Variants in MTRF1 observed in about 807,000 individuals in gnomAD.
The protein encoded by MTRF1 is peptide chain release factor 1, mitochondrial.
In MTRF1, 51 loss-of-function variants were observed where a neutral mutation model predicts 62.9. The ratio of observed to expected loss-of-function variants is 0.81; its 90% CI spans 0.65 to 1.02. The LOEUF is 1.02. Among genes scored for constraint, MTRF1 ranks in the 50% least tolerant of loss-of-function variants. The probability of loss-of-function intolerance (pLI) is 0.00; values close to 1 mark genes in which losing one functional copy is unlikely to be tolerated. For synonymous variants in MTRF1, 158 were observed against 181.9 expected (o/e 0.87, Z 1.06); for missense variants, 446 against 530.0 (o/e 0.84, Z 1.56).
intron 1 of MTRF1, chr13:41,261,751 C>G: frequency 1.0e-6 from 1 of 979,586 alleles, no homozygotes; most frequent in Non-Finnish European, 1.2e-6. Flanking sequence ...TGTAAGTTGC[C>G]TGTTCAGGAC....
chr13:41,281,178 T>C, the MTRF1 span, among the ~76,000 whole-genome samples: 7 of 152,102 alleles, frequency 4.6e-5, no homozygotes, highest in Admixed American at 2.0e-4. Context: ...GCATTTATCT[T>C]TCTCTGTTTT....
chr13:41,275,502 T>G, the MTRF1 span, among the ~76,000 whole-genome samples: 1 of 148,954 alleles, frequency 6.7e-6, no homozygotes. Flanking sequence ...GCCCGGCTTT[T>G]TTTTTTTGAG....
chr13:41,285,166 AT>A, the MTRF1 span, among the ~76,000 whole-genome samples: 1 of 152,286 alleles, frequency 6.6e-6, no homozygotes, highest in African/African-American at 2.4e-5. Context: ...TTTAGCTTAT[AT>A]GTTGCAATCT....
intron 8 of MTRF1, among the ~76,000 whole-genome samples, chr13:41,226,038 T>C: frequency 6.6e-6 from 1 of 152,164 alleles, no homozygotes; most frequent in East Asian, 1.9e-4. Context: ...TCCCAGTTTT[T>C]TGCAGTGCCA....
chr13:41,292,852 G>A, the MTRF1 span, among the ~76,000 whole-genome samples: 8,021 of 152,082 alleles, frequency 0.053, 281 homozygotes, highest in Non-Finnish European at 0.074. Flanking sequence ...GGGAGGACTG[G>A]TTGAGCCAAG....
chr13:41,237,086 G>A (rs2036728115), intron 6 of MTRF1, among the ~76,000 whole-genome samples: 1 of 151,848 alleles, frequency 6.6e-6, no homozygotes, highest in African/African-American at 2.4e-5. Flanking sequence ...AGGCATTGTG[G>A]CACACACCTG....
chr13:41,225,992 C>T (rs538229454), intron 8 of MTRF1, among the ~76,000 whole-genome samples: 2 of 151,824 alleles, frequency 1.3e-5, no homozygotes, highest in Non-Finnish European at 2.9e-5. Context: ...TCCTTTCTAC[C>T]CCTTGTCCCT....
the MTRF1 span, among the ~76,000 whole-genome samples, chr13:41,269,201 T>TGG: frequency 9.3e-5 from 9 of 96,514 alleles, no homozygotes; most frequent in African/African-American, 1.1e-4. Flanking sequence ...TTTTTTTGGT[T>TGG]TTTTTTTTTT....
chr13:41,290,806 G>A, the MTRF1 span, among the ~76,000 whole-genome samples: 1 of 151,478 alleles, frequency 6.6e-6, no homozygotes, highest in Non-Finnish European at 1.5e-5. Context: ...AAGAAATTTT[G>A]TAGAGGCTGG....
the MTRF1 span, among the ~76,000 whole-genome samples, chr13:41,296,363 T>C: frequency 1.5e-4 from 23 of 152,352 alleles, no homozygotes; most frequent in East Asian, 3.5e-3. Context: ...CCTGAGCCAC[T>C]GTACCCAGCC....
the MTRF1 span, among the ~76,000 whole-genome samples, chr13:41,303,738 C>T: frequency 2.6e-5 from 4 of 152,186 alleles, no homozygotes; most frequent in African/African-American, 7.2e-5. Flanking sequence ...AGATTAATAA[C>T]GTTTACTAAC....
At chr13:41,223,071 T>C (rs977655727) in intron 9 of MTRF1, among the ~76,000 whole-genome samples, 185 bp downstream of exon 9, 3 of 152,212 alleles carry the variant, frequency 2.0e-5, no homozygotes, top group Non-Finnish European at 4.4e-5. Flanking sequence ...CAAAATGGCA[T>C]AAAGATCATT....
chr13:41,237,645 C>G (rs143309721), intron 6 of MTRF1, among the ~76,000 whole-genome samples: 1 of 152,050 alleles, frequency 6.6e-6, no homozygotes, highest in East Asian at 1.9e-4. Flanking sequence ...TACAGGCACG[C>G]GCCACCACAC....
At chr13:41,262,193 A>T (rs112602991) in intron 1 of MTRF1, 7,534 of 152,110 alleles carry the variant, frequency 0.05, 241 homozygotes, top group Non-Finnish European at 0.076. Context: ...CAAAAAAATT[A>T]GCTGAGCGTG....
the MTRF1 span, among the ~76,000 whole-genome samples, chr13:41,273,834 T>C: frequency 6.6e-5 from 10 of 152,156 alleles, no homozygotes; most frequent in South Asian, 1.7e-3. Context: ...TGAAACTCCG[T>C]CTCAACAACA....
At chr13:41,271,906 C>A in the MTRF1 span, among the ~76,000 whole-genome samples, 517 of 152,262 alleles carry the variant, frequency 3.4e-3, 3 homozygotes, top group East Asian at 0.017. Flanking sequence ...ATAGAGAAGA[C>A]CCTTTAGAAA....
At chr13:41,264,138 C>A (rs17532854), upstream of MTRF1, among the ~76,000 whole-genome samples, 2,926 of 152,288 alleles carry the variant, frequency 0.019, 46 homozygotes, top group Non-Finnish European at 0.032. Flanking sequence ...GTAGAAGATT[C>A]TGCGTGTAAT....
At chr13:41,271,432 C>T in the MTRF1 span, among the ~76,000 whole-genome samples, 12 of 152,112 alleles carry the variant, frequency 7.9e-5, no homozygotes, top group African/African-American at 2.9e-4. Context: ...TTGTTTCCCA[C>T]TTTTTTTCTT....
At chr13:41,234,420 C>T (rs931008979) in intron 6 of MTRF1, among the ~76,000 whole-genome samples, 3 of 152,122 alleles carry the variant, frequency 2.0e-5, no homozygotes, top group African/African-American at 7.2e-5. Context: ...CTCAAGCGAT[C>T]CTCCCACCTT....
Sources: gnomAD v4.1 joint callset for allele counts (sites outside exome capture counted in the v4.1 genomes callset) on GRCh38, gnomAD v4.1.1 for gene constraint, MANE v1.5 for transcripts, NCBI Gene and HGNC (gene_info 2026-07-23, HGNC 2026-07-21) for gene names.